UBE3C: variants seen among roughly 807,000 people sequenced by gnomAD.
The protein encoded by UBE3C is ubiquitin-protein ligase E3C.
Under a neutral mutation model 129.4 loss-of-function variants are expected in UBE3C, and 42 were observed. That is an observed-to-expected ratio of 0.32 (90% CI 0.25 to 0.42). The LOEUF is 0.42. Ranked by LOEUF, UBE3C falls within the 10% of genes least tolerant of loss-of-function variation. The pLI is 1.00. For synonymous variants in UBE3C, 510 were observed against 492.4 expected (o/e 1.04, Z -0.47); for missense variants, 1,049 against 1,319.1 (o/e 0.80, Z 3.17).
At chr7:157,253,609 T>A (rs1380884324) in intron 19 of UBE3C, among the ~76,000 whole-genome samples, 1 of 152,212 alleles carries the variant, frequency 6.6e-6, no homozygotes, top group Non-Finnish European at 1.5e-5. Context: ...TCTTCTGACT[T>A]AACGGTGATT....
At chr7:157,174,082 G>A (rs1808450737) in intron 4 of UBE3C, among the ~76,000 whole-genome samples, 2 of 152,264 alleles carry the variant, frequency 1.3e-5, no homozygotes, top group South Asian at 4.1e-4. Context: ...GGCTATCTTT[G>A]CCGAGGGTGG....
chr7:157,165,358 A>T (rs115137408), intron 2 of UBE3C, among the ~76,000 whole-genome samples: 3,444 of 146,468 alleles, frequency 0.024, 128 homozygotes, highest in African/African-American at 0.082. Flanking sequence ...TTTTCACCTG[A>T]CCTAATTTCT....
chr7:157,260,816 C>T (rs1346493214), intron 22 of UBE3C, among the ~76,000 whole-genome samples: 2 of 152,116 alleles, frequency 1.3e-5, no homozygotes, highest in Non-Finnish European at 2.9e-5. Flanking sequence ...AATAAAAATT[C>T]GAAGTCCTGC....
At chr7:157,248,665 G>A (rs552977023) in intron 19 of UBE3C, 85 bp downstream of exon 19, 44 of 1,429,752 alleles carry the variant, frequency 3.1e-5, no homozygotes, top group Non-Finnish European at 4.0e-5. Context: ...GTGTTACAGC[G>A]TTTGACTTCC....
chr7:157,155,073 TG>T (rs1264508065), intron 1 of UBE3C, among the ~76,000 whole-genome samples: 1 of 152,204 alleles, frequency 6.6e-6, no homozygotes, highest in Admixed American at 6.5e-5. Context: ...TGATTTTTAG[TG>T]GCTGATGATG....
intron 22 of UBE3C, among the ~76,000 whole-genome samples, chr7:157,260,057 T>C (rs1028308772): frequency 6.6e-6 from 1 of 152,058 alleles, no homozygotes; most frequent in Non-Finnish European, 1.5e-5. Context: ...CTTAAACGTG[T>C]TAGTGAATAC....
chr7:157,173,546 ACCT>A (rs1808437027), intron 4 of UBE3C, among the ~76,000 whole-genome samples: 1 of 152,174 alleles, frequency 6.6e-6, no homozygotes, highest in African/African-American at 2.4e-5. Flanking sequence ...TTTCTTCCTC[ACCT>A]CCTTTTTAAA....
chr7:157,251,477 C>A (rs966868091), intron 19 of UBE3C, among the ~76,000 whole-genome samples: 4 of 152,134 alleles, frequency 2.6e-5, no homozygotes, highest in African/African-American at 9.7e-5. Flanking sequence ...TGGTTCAGGT[C>A]CTGGTTTGGC....
In UBE3C at chr7:157,178,944, T is replaced by A. The variant is rs1474124444; in HGVS notation, c.616+97T>A. 4.8e-6 allele frequency: 7 copies of A among 1,467,778 alleles called. No individual in the cohort carries two copies. The African/African-American group carries it at 9.8e-5, about 20-fold the overall frequency. The allele number at this position is 1,467,778 out of a possible 1,614,324, so 90.9% of individuals were successfully genotyped here. A position where few individuals can be genotyped will look rare whatever the true frequency, so the allele number is the denominator to read the frequency against. On this transcript the variant is annotated intron_variant, in intron 6 of 22. Coordinates refer to ENST00000348165, the MANE Select transcript of UBE3C (RefSeq NM_014671.3). ...TGTGAGCCTGTGCCCTCAGTCTCAA[T>A]GTCAGAGCGGTACTGGTGTCCCAGA... is the stretch of plus-strand genomic sequence containing the variant.
chr7:157,156,385 C>T (rs1202468640), intron 1 of UBE3C, among the ~76,000 whole-genome samples: 1 of 147,252 alleles, frequency 6.8e-6, no homozygotes, highest in Non-Finnish European at 1.5e-5. Context: ...CGGCTCACTG[C>T]AGCCTCCACC....
rs1808339501 is a variant in UBE3C at position 157,170,551 on chromosome 7, A to G, written c.342+101A>G. On this transcript the variant is annotated intron_variant, in intron 4 of 22. Transcript: ENST00000348165. Reference sequence around the variant, plus strand: ...TCATCAGAAAGTTAAACAGCTCTCCACTGCATCCAGGCTTTGCAAACTTCT... The same window carrying G: ...TCATCAGAAAGTTAAACAGCTCTCCGCTGCATCCAGGCTTTGCAAACTTCT... The G allele has an allele frequency of 1.6e-5, 21 of 1,273,640 alleles. No individual in the cohort carries two copies. The South Asian group carries it at 4.0e-4, about 24-fold the overall frequency. 78.9% of individuals were successfully genotyped at this position (1,273,640 alleles called of 1,614,324 possible). A position where few individuals can be genotyped will look rare whatever the true frequency, so the allele number is the denominator to read the frequency against.
intron 1 of UBE3C, among the ~76,000 whole-genome samples, chr7:157,154,829 A>T (rs1042732488): frequency 1.3e-5 from 2 of 152,222 alleles, no homozygotes; most frequent in Admixed American, 6.5e-5. Flanking sequence ...TTATTTTTAA[A>T]AATGAGCTCT....
chr7:157,202,911 T>C (rs952114155), intron 11 of UBE3C, among the ~76,000 whole-genome samples: 6 of 152,276 alleles, frequency 3.9e-5, no homozygotes, highest in African/African-American at 1.4e-4. Flanking sequence ...AACAAGAAGT[T>C]AGAAGAAAGA....
intron 11 of UBE3C, among the ~76,000 whole-genome samples, chr7:157,206,286 G>T (rs548588254): frequency 2.1e-3 from 313 of 152,170 alleles, no homozygotes; most frequent in Non-Finnish European, 3.5e-3. Flanking sequence ...TTTTGGAAAC[G>T]GAGTCTCGCC....
chr7:157,248,714 C>G, intron 19 of UBE3C, 134 bp downstream of exon 19: 1 of 968,166 alleles, frequency 1.0e-6, no homozygotes, highest in South Asian at 1.5e-5. Flanking sequence ...GTGAGTTAGA[C>G]GTCGAAGCAT....
rs1797155513 is a variant in UBE3C, at chr7:157,269,039, ACT to A, written c.*1285_*1286del. The A allele has an allele frequency of 6.6e-6, 1 of 152,666 alleles. No homozygotes were observed. 9.5% of individuals were successfully genotyped at this position (152,666 alleles called of 1,614,324 possible). A position where few individuals can be genotyped will look rare whatever the true frequency, so the allele number is the denominator to read the frequency against. ...TTTTAAAGTGGGAAAGCTGAATGAC[ACT>A]TTTAAGACAATGAACATTATCAAAA... is the stretch of plus-strand genomic sequence containing the variant. On this transcript the variant is annotated 3_prime_UTR_variant, in exon 23 of 23. Transcript: ENST00000348165.
rs1479500893 is a variant in UBE3C at position 157,185,619 on chromosome 7, A to G, written c.1144-1215A>G. On this transcript the variant is annotated intron_variant, in intron 9 of 22. Coordinates refer to ENST00000348165, the MANE Select transcript of UBE3C (RefSeq NM_014671.3). Reference sequence around the variant, plus strand: ...CTTTTCTTTCCCCTGGCACTTAATTATATAAAACCTAATGTGATTGTATGA... The same window carrying G: ...CTTTTCTTTCCCCTGGCACTTAATTGTATAAAACCTAATGTGATTGTATGA... Among the ~76,000 whole-genome samples, 5 of 152,142 alleles carry G rather than the reference A, an allele frequency of 3.3e-5. No individual in the cohort carries two copies. The South Asian group carries it at 1.0e-3, about 32-fold the overall frequency.
chr7:157,228,406 C>T (rs191092445), intron 17 of UBE3C, among the ~76,000 whole-genome samples: 47 of 152,284 alleles, frequency 3.1e-4, no homozygotes, highest in African/African-American at 1.1e-3. Flanking sequence ...AAAGTTCCCT[C>T]GGGGCCTGGA....
intron 13 of UBE3C, among the ~76,000 whole-genome samples, chr7:157,215,477 A>G (rs1795532224): frequency 6.7e-6 from 1 of 148,202 alleles, no homozygotes; most frequent in African/African-American, 2.5e-5. Context: ...AAATTTATAT[A>G]TTATATATAC....
Sources: gnomAD v4.1 joint callset for allele counts (sites outside exome capture counted in the v4.1 genomes callset) on GRCh38, gnomAD v4.1.1 for gene constraint, MANE v1.5 for transcripts, NCBI Gene and HGNC (gene_info 2026-07-23, HGNC 2026-07-21) for gene names.